Variants in RYR2 observed in about 807,000 individuals in gnomAD.
RYR2 encodes ryanodine receptor 2.
In RYR2, 227 loss-of-function variants were observed where a neutral mutation model predicts 601.1. The ratio of observed to expected loss-of-function variants is 0.38; its 90% CI spans 0.34 to 0.42. RYR2 has a LOEUF of 0.42. RYR2 is among the 10% of genes least tolerant of loss of function. RYR2 has a pLI of 1.00. For missense variants in RYR2, 4,646 were observed against 6,156.5 expected (o/e 0.75, Z 8.21); for synonymous variants, 2,223 against 2,175.1 (o/e 1.02, Z -0.61).
chr1:237,742,331 G>A lies in RYR2; in HGVS notation c.11127G>A (p.Glu3709=), dbSNP rs777292211. Residue 3709 remains glutamate (E), a synonymous_variant, in exon 80 of 105, where the codon GAG becomes GAA. Coordinates refer to ENST00000366574, the MANE Select transcript of RYR2 (RefSeq NM_001035.3). ...ATGAGGAAGATGACGATGGTGAAGA[G>A]GAAGTGAAGAGTTTTGAAGTAAGAT... The part of the protein sequence containing the change: ...CHDEEDDDGE[E]EVKSFEEKEM... 13 of 1,570,696 alleles carry A rather than the reference G, an allele frequency of 8.3e-6. No homozygotes were observed. The East Asian group carries it at 2.3e-4, about 28-fold the overall frequency.
intron 2 of RYR2, among the ~76,000 whole-genome samples, chr1:237,313,104 T>A (rs924970969): frequency 4.6e-5 from 7 of 152,166 alleles, no homozygotes; most frequent in Non-Finnish European, 1.0e-4. Flanking sequence ...TGTAGACATT[T>A]TTTCTTATTT....
intron 92 of RYR2, among the ~76,000 whole-genome samples, chr1:237,790,883 C>G (rs977317325): frequency 2.0e-5 from 3 of 152,188 alleles, no homozygotes; most frequent in Admixed American, 6.5e-5. Flanking sequence ...ACCCTGCCCC[C>G]TGCTCACCTG....
chr1:237,428,049 A>G lies in RYR2; in HGVS notation c.1005+4801A>G, dbSNP rs146710298. Among the ~76,000 whole-genome samples, 4 of 152,314 alleles carry G rather than the reference A, an allele frequency of 2.6e-5. No individual in the cohort carries two copies. The East Asian group carries it at 5.8e-4, about 22-fold the overall frequency. On this transcript the variant is annotated intron_variant, in intron 12 of 104. Transcript: ENST00000366574. ...ATAAATGCAAATCAAAACCACAATG[A>G]GATACCAACTCATACCAGTCAAAAT...
At chr1:237,241,705 A>G (rs2057635) in intron 1 of RYR2, among the ~76,000 whole-genome samples, 1,955 of 152,308 alleles carry the variant, frequency 0.013, 24 homozygotes, top group South Asian at 0.051. Flanking sequence ...GGGGTGGATT[A>G]TTCATGAGTT....
chr1:237,490,779 A>C (rs941476368), intron 17 of RYR2, among the ~76,000 whole-genome samples: 3 of 152,238 alleles, frequency 2.0e-5, no homozygotes, highest in African/African-American at 4.8e-5. Flanking sequence ...GCTTGGATCA[A>C]ATATAGATTG....
Position 237,756,491 on chromosome 1 carries a change from G to C in RYR2, c.11245+104G>C, listed in dbSNP as rs560386025. On this transcript the variant is annotated intron_variant, in intron 81 of 104. Coordinates refer to ENST00000366574, the MANE Select transcript of RYR2 (RefSeq NM_001035.3). ...ATTCCACTGACTCATTTAGTCCTGG[G>C]GTTTCTGGTTCATGACTATATCAGG... 60 of 681,772 alleles carry C rather than the reference G, an allele frequency of 8.8e-5. No individual in the cohort carries two copies. The East Asian group carries it at 1.5e-3, about 18-fold the overall frequency. The allele number at this position is 681,772 out of a possible 1,614,324, so 42.2% of individuals were successfully genotyped here. A position where few individuals can be genotyped will look rare whatever the true frequency, so the allele number is the denominator to read the frequency against.
At chr1:237,487,287 A>ATATTG (rs1461021294) in intron 17 of RYR2, among the ~76,000 whole-genome samples, 3 of 152,302 alleles carry the variant, frequency 2.0e-5, no homozygotes, top group African/African-American at 7.2e-5. Flanking sequence ...CATAATTTAA[A>ATATTG]TATACGCATA....
chr1:237,305,556 C>G lies in RYR2; in HGVS notation c.169-25322C>G, dbSNP rs143785160. The stretch of plus-strand genomic sequence containing the variant: ...AAGCGATCCTCCCATCTCAACCTCC[C>G]AAGTATCTGAAACTACAGGCATGCG... On this transcript the variant is annotated intron_variant, in intron 2 of 104. Transcript: ENST00000366574. Among the ~76,000 whole-genome samples the G allele has an allele frequency of 5.6e-3, 859 of 152,254 alleles. 10 individuals are homozygous for G. The highest frequency in any genetic ancestry group is 0.02 in the African/African-American group (820 of 41,542).
chr1:237,677,578 T>C (rs942888679), intron 60 of RYR2, among the ~76,000 whole-genome samples: 11 of 152,174 alleles, frequency 7.2e-5, no homozygotes, highest in Non-Finnish European at 1.5e-4. Flanking sequence ...TTTTAGTTTG[T>C]GTCTTAAATT....
At position 237,236,410 on chromosome 1, in the gene RYR2, C is replaced by T. The variant is rs564745825; in HGVS notation, c.49-34087C>T. ...ATGCAGATGGGGATAAAATCTATGT[C>T]CAAAGAGTTAGAATAGAGGCCAAGA... On this transcript the variant is annotated intron_variant, in intron 1 of 104. Coordinates refer to ENST00000366574, the MANE Select transcript of RYR2 (RefSeq NM_001035.3). Among the ~76,000 whole-genome samples, 47 of 152,004 alleles carry T rather than the reference C, an allele frequency of 3.1e-4. No homozygotes were observed. In the South Asian group the frequency reaches 9.6e-3, roughly 31 times the overall value.
intron 1 of RYR2, among the ~76,000 whole-genome samples, chr1:237,088,826 A>G (rs968419589): frequency 1.3e-5 from 2 of 152,218 alleles, no homozygotes; most frequent in African/African-American, 4.8e-5. Context: ...GATACAAGAT[A>G]TGGCTCATAA....
intron 2 of RYR2, among the ~76,000 whole-genome samples, chr1:237,316,236 T>C (rs1047888673): frequency 6.6e-6 from 1 of 152,210 alleles, no homozygotes; most frequent in Non-Finnish European, 1.5e-5. Flanking sequence ...GCTTCTTCTT[T>C]AGGACATTGA....
chr1:237,759,707 G>A (rs1693254426), intron 82 of RYR2, 69 bp from the exon 83 acceptor site: 1 of 930,260 alleles, frequency 1.1e-6, no homozygotes, highest in South Asian at 1.3e-5. Flanking sequence ...GCCTGTTTTG[G>A]TTGTTTATTT....
intron 8 of RYR2, among the ~76,000 whole-genome samples, chr1:237,378,680 A>G (rs1701220206): frequency 6.6e-6 from 1 of 152,246 alleles, no homozygotes; most frequent in Admixed American, 6.5e-5. Flanking sequence ...GGATTAAGTA[A>G]GTAGTTGATA....
At chr1:237,269,042 C>CTTTTT (rs200563683) in intron 1 of RYR2, among the ~76,000 whole-genome samples, 2 of 113,222 alleles carry the variant, frequency 1.8e-5, no homozygotes, top group Non-Finnish European at 3.4e-5. Context: ...ATAGCATATT[C>CTTTTT]TTTTTTTTTT....
chr1:237,410,591 G>A (rs1208081900), intron 10 of RYR2, among the ~76,000 whole-genome samples: 1 of 152,114 alleles, frequency 6.6e-6, no homozygotes, highest in East Asian at 1.9e-4. Context: ...TATTGTCTAT[G>A]TTTGCTTTTG....
intron 1 of RYR2, among the ~76,000 whole-genome samples, chr1:237,195,248 A>G (rs6673714): frequency 1.3e-5 from 2 of 152,192 alleles, no homozygotes; most frequent in African/African-American, 2.4e-5. Context: ...TGAAAATTAA[A>G]TGACCCAATA....
chr1:237,684,934 G>A (rs200961001), intron 62 of RYR2, among the ~76,000 whole-genome samples: 25 of 147,710 alleles, frequency 1.7e-4, no homozygotes, highest in South Asian at 2.1e-4. Flanking sequence ...TAATTAGAGA[G>A]AAAAAAAAAA....
intron 1 of RYR2, among the ~76,000 whole-genome samples, chr1:237,096,891 A>G (rs1667560555): frequency 6.6e-6 from 1 of 152,198 alleles, no homozygotes. Context: ...GTATTGAATT[A>G]GAAATCCTGC....
Sources: gnomAD v4.1 joint callset for allele counts (sites outside exome capture counted in the v4.1 genomes callset) on GRCh38, gnomAD v4.1.1 for gene constraint, MANE v1.5 for transcripts, NCBI Gene and HGNC (gene_info 2026-07-23, HGNC 2026-07-21) for gene names.